GPC5: variants seen among roughly 807,000 people sequenced by gnomAD.
GPC5 encodes glypican-5.
A neutral mutation model predicts 53.9 loss-of-function variants in GPC5; 47 were observed. That is an observed-to-expected ratio of 0.87 (90% CI 0.69 to 1.11). GPC5 has a LOEUF of 1.11. GPC5 is among the 50% of genes most tolerant of loss of function. The probability of loss-of-function intolerance (pLI) is 0.00; values close to 1 mark genes in which losing one functional copy is unlikely to be tolerated. For missense variants in GPC5, 748 were observed against 713.1 expected, an observed-to-expected ratio of 1.05 and a Z score of -0.56; for synonymous variants, 286 against 263.3, an observed-to-expected ratio of 1.09 and a Z score of -0.84.
intron 6 of GPC5, among the ~76,000 whole-genome samples, chr13:91,927,056 T>C (rs1012870027): frequency 3.3e-5 from 5 of 152,312 alleles, no homozygotes; most frequent in African/African-American, 9.6e-5. Context: ...ATTGTTAATG[T>C]TTCTGTGGAA....
chr13:91,548,388 T>TA (rs2030422365), intron 2 of GPC5, among the ~76,000 whole-genome samples: 1 of 152,154 alleles, frequency 6.6e-6, no homozygotes, highest in African/African-American at 2.4e-5. Context: ...GTGAAATACT[T>TA]AGATAAAAAT....
At chr13:91,459,882 A>T (rs1182529340) in intron 2 of GPC5, among the ~76,000 whole-genome samples, 2 of 152,194 alleles carry the variant, frequency 1.3e-5, no homozygotes, top group East Asian at 3.9e-4. Context: ...ACAACAAAAC[A>T]TATTGCCAAT....
Position 92,190,919 on chromosome 13 carries a change from G to C in GPC5, c.1561+45930G>C, listed in dbSNP as rs141443075. On this transcript the variant is annotated intron_variant, in intron 7 of 7. Coordinates refer to ENST00000377067, the MANE Select transcript of GPC5 (RefSeq NM_004466.6). ...TTCTAAATATACCAATTAAAAGACA[G>C]AGATTGTAAGAATAGATGAAAAATC... Among the ~76,000 whole-genome samples, 1,513 of 152,146 alleles carry C rather than the reference G, an allele frequency of 9.9e-3. 19 individuals are homozygous for C. The highest frequency in any genetic ancestry group is 0.044 in the South Asian group (211 of 4,822).
At chr13:92,697,137 C>T (rs1887580575) in intron 7 of GPC5, among the ~76,000 whole-genome samples, 1 of 151,488 alleles carries the variant, frequency 6.6e-6, no homozygotes, top group Non-Finnish European at 1.5e-5. Context: ...AGCGTGATGC[C>T]TCCAGCTTTG....
At chr13:91,980,660 C>G (rs1234833767) in intron 6 of GPC5, among the ~76,000 whole-genome samples, 2 of 152,200 alleles carry the variant, frequency 1.3e-5, no homozygotes, top group African/African-American at 4.8e-5. Context: ...TTATAACATA[C>G]AGTGAAGTGC....
At chr13:91,482,264 A>G (rs1883344979) in intron 2 of GPC5, among the ~76,000 whole-genome samples, 1 of 152,166 alleles carries the variant, frequency 6.6e-6, no homozygotes, top group South Asian at 2.1e-4. Flanking sequence ...TATGCGAGGA[A>G]CAGTGTTCTT....
At chr13:92,463,945 T>G (rs2139413506) in intron 7 of GPC5, among the ~76,000 whole-genome samples, 1 of 152,268 alleles carries the variant, frequency 6.6e-6, no homozygotes, top group South Asian at 2.1e-4. Context: ...CATCTTATTT[T>G]TATTATTTTT....
chr13:92,333,682 C>T (rs888470085), intron 7 of GPC5, among the ~76,000 whole-genome samples: 4 of 152,042 alleles, frequency 2.6e-5, no homozygotes, highest in Non-Finnish European at 4.4e-5. Flanking sequence ...TACAGCAGTC[C>T]TTTTACTACA....
intron 7 of GPC5, among the ~76,000 whole-genome samples, chr13:92,633,381 T>C (rs1165760100): frequency 1.3e-5 from 2 of 151,910 alleles, no homozygotes; most frequent in Non-Finnish European, 2.9e-5. Context: ...AAAAAAAAGA[T>C]ATAAACTGGC....
At chr13:91,565,826 T>A (rs2031500452) in intron 2 of GPC5, among the ~76,000 whole-genome samples, 2 of 152,174 alleles carry the variant, frequency 1.3e-5, no homozygotes, top group Non-Finnish European at 1.5e-5. Flanking sequence ...AAGTCTGAAA[T>A]CCAGGTGTCT....
intron 7 of GPC5, among the ~76,000 whole-genome samples, chr13:92,439,948 G>A (rs1198854256): frequency 3.9e-5 from 6 of 152,070 alleles, no homozygotes; most frequent in Non-Finnish European, 5.9e-5. Context: ...TAAATGAAAC[G>A]ACTCTAAAAA....
At chr13:92,387,299 G>A (rs1443999069) in intron 7 of GPC5, among the ~76,000 whole-genome samples, 1 of 152,112 alleles carries the variant, frequency 6.6e-6, no homozygotes, top group African/African-American at 2.4e-5. Context: ...GTAGGGTAAT[G>A]TAGATGTTGT....
chr13:91,744,444 A>G (rs2037003836), intron 4 of GPC5, among the ~76,000 whole-genome samples: 1 of 152,140 alleles, frequency 6.6e-6, no homozygotes, highest in African/African-American at 2.4e-5. Flanking sequence ...GCTAATGCCT[A>G]TCTTTATAAC....
intron 6 of GPC5, among the ~76,000 whole-genome samples, chr13:92,067,916 T>C (rs2041179871): frequency 6.6e-6 from 1 of 152,002 alleles, no homozygotes; most frequent in African/African-American, 2.4e-5. Flanking sequence ...GATGGGTCAT[T>C]TTAATTTTCT....
At chr13:91,431,288 C>T (rs1879427081) in intron 1 of GPC5, among the ~76,000 whole-genome samples, 1 of 152,148 alleles carries the variant, frequency 6.6e-6, no homozygotes, top group African/African-American at 2.4e-5. Context: ...AACCACTCTG[C>T]CTCCCCATCC....
rs987792764 is a variant in GPC5, at chr13:91,856,466, G to A, written c.1281-51471G>A. Among the ~76,000 whole-genome samples the A allele has an allele frequency of 9.9e-5, 15 of 151,462 alleles. No individual in the cohort carries two copies. In the South Asian group the frequency reaches 1.0e-3, roughly 10 times the overall value. ...ATTGTGAGAGGTTGAGTTGTTCATCGTATGTTCATCAATATTTAGTGTTGT... is the reference window on the plus strand; with the variant it reads ...ATTGTGAGAGGTTGAGTTGTTCATCATATGTTCATCAATATTTAGTGTTGT... On this transcript the variant is annotated intron_variant, in intron 5 of 7. Transcript: ENST00000377067.
chr13:92,529,928 T>A (rs530671470), intron 7 of GPC5, among the ~76,000 whole-genome samples: 4 of 151,926 alleles, frequency 2.6e-5, no homozygotes, highest in South Asian at 4.2e-4. Flanking sequence ...ACTATAAATT[T>A]AAAAAATTAG....
chr13:91,784,726 G>GGAAAAA (rs1555346916), intron 5 of GPC5, among the ~76,000 whole-genome samples: 2 of 143,538 alleles, frequency 1.4e-5, no homozygotes, highest in African/African-American at 5.4e-5. Flanking sequence ...CTCCATCTCA[G>GGAAAAA]AAAAAAAAAA....
At chr13:92,539,289 A>C (rs1881846204) in intron 7 of GPC5, among the ~76,000 whole-genome samples, 1 of 151,922 alleles carries the variant, frequency 6.6e-6, no homozygotes, top group Non-Finnish European at 1.5e-5. Flanking sequence ...TCCCACTAAC[A>C]GTGTAAAAGT....
Sources: allele counts gnomAD v4.1 joint callset (sites outside exome capture counted in the v4.1 genomes callset), GRCh38; gene constraint gnomAD v4.1.1; transcripts MANE v1.5; gene names NCBI Gene and HGNC (gene_info 2026-07-23, HGNC 2026-07-21).